Variants in TTC39C observed in about 807,000 individuals in gnomAD.
TTC39C encodes the protein tetratricopeptide repeat protein 39C.
In TTC39C, 33 loss-of-function variants were observed where a neutral mutation model predicts 76.3. That is an observed-to-expected ratio of 0.43 (90% CI 0.33 to 0.58). TTC39C has a LOEUF of 0.58. TTC39C is among the 20% of genes least tolerant of loss of function. The pLI is 0.04. For synonymous variants in TTC39C, 254 were observed against 260.6 expected, an observed-to-expected ratio of 0.97 and a Z score of 0.24; for missense variants, 595 against 701.4, an observed-to-expected ratio of 0.85 and a Z score of 1.71.
At chr18:24,030,880 A>AG (rs1377515820) in intron 1 of TTC39C, among the ~76,000 whole-genome samples, 2 of 151,944 alleles carry the variant, frequency 1.3e-5, no homozygotes, top group African/African-American at 4.8e-5. Flanking sequence ...TCCTGACCTC[A>AG]GGCGATCTGC....
intron 8 of TTC39C, among the ~76,000 whole-genome samples, chr18:24,119,549 C>T (rs2084939342): frequency 1.3e-5 from 2 of 152,124 alleles, no homozygotes; most frequent in Admixed American, 1.3e-4. Flanking sequence ...TGCATCGGTC[C>T]ATTAGCAAAT....
intron 8 of TTC39C, 125 bp downstream of exon 8, chr18:24,118,357 A>C (rs749288993): frequency 3.1e-6 from 2 of 654,856 alleles, no homozygotes; most frequent in African/African-American, 3.6e-5. Context: ...CTTCCCCAGC[A>C]TGTTAATGTT....
Position 24,014,930 on chromosome 18 carries a change from C to G in TTC39C, c.59C>G (p.Ala20Gly), listed in dbSNP as rs565871224. ...CGGGACGACGGAGACTCGGACGCGG[C>G]AGCGGCGGCGGCGGCGCCCCTGCAG... is the stretch of plus-strand genomic sequence containing the variant. ...RRRDDGDSDAAAAAAAPLQDA... is the reference protein window; with the variant it reads ...RRRDDGDSDAGAAAAAPLQDA... Residue 20 changes from alanine to glycine, a missense_variant, in exon 1 of 14, where the codon GCA (alanine) becomes GGA (glycine). Transcript: ENST00000317571. 1 of 1,524,316 alleles carries G rather than the reference C, an allele frequency of 6.6e-7. No homozygotes were observed. 94.4% of individuals were successfully genotyped at this position (1,524,316 alleles called of 1,614,324 possible).
rs2085151347 is a variant in TTC39C, at chr18:24,132,898, G to A, written c.*324G>A. On this transcript the variant is annotated 3_prime_UTR_variant, in exon 14 of 14. Transcript: ENST00000317571. ...AACGGAACATCCAACCCAAGATCCT[G>A]TAGGAACACCTACCTTAAGCACATA... is the stretch of plus-strand genomic sequence containing the variant. The A allele has an allele frequency of 4.8e-6, 1 of 208,384 alleles. No individual in the cohort carries two copies. The highest frequency in any genetic ancestry group is 9.5e-6 in the Non-Finnish European group (1 of 105,718). The allele number at this position is 208,384 out of a possible 1,614,324, so 12.9% of individuals were successfully genotyped here. A position where few individuals can be genotyped will look rare whatever the true frequency, so the allele number is the denominator to read the frequency against.
At chr18:24,095,310 A>C (rs1391998254) in intron 6 of TTC39C, among the ~76,000 whole-genome samples, 2 of 152,248 alleles carry the variant, frequency 1.3e-5, no homozygotes, top group Non-Finnish European at 2.9e-5. Flanking sequence ...TTGATCTTCT[A>C]TCCAGACCAC....
At chr18:24,058,712 T>C (rs982347691) in intron 1 of TTC39C, among the ~76,000 whole-genome samples, 1 of 151,740 alleles carries the variant, frequency 6.6e-6, no homozygotes, top group African/African-American at 2.4e-5. Flanking sequence ...GTTACTAGAG[T>C]AGGCATACGT....
chr18:24,011,787 T>A (rs1382198405), upstream of TTC39C, among the ~76,000 whole-genome samples: 1 of 152,204 alleles, frequency 6.6e-6, no homozygotes, highest in East Asian at 1.9e-4. Flanking sequence ...CTGGCTTTTC[T>A]TTTTCTCTTT....
At chr18:24,059,873 C>A (rs376372265) in intron 1 of TTC39C, among the ~76,000 whole-genome samples, 5 of 152,078 alleles carry the variant, frequency 3.3e-5, no homozygotes, top group Admixed American at 2.6e-4. Context: ...CTCACAATCA[C>A]GGCAGAAGGC....
At chr18:24,093,452 C>G (rs1245757274) in intron 6 of TTC39C, among the ~76,000 whole-genome samples, 2 of 147,546 alleles carry the variant, frequency 1.4e-5, no homozygotes, top group Non-Finnish European at 3.0e-5. Flanking sequence ...GCACTCCAGC[C>G]TGGGTGACAG....
intron 8 of TTC39C, 79 bp from the exon 9 acceptor site, chr18:24,123,755 C>A: frequency 4.5e-6 from 4 of 897,318 alleles, no homozygotes; most frequent in Non-Finnish European, 6.4e-6. Context: ...TTTTTTTTTT[C>A]AAGTATCATC....
chr18:24,121,328 T>G (rs2084965401), intron 8 of TTC39C, among the ~76,000 whole-genome samples: 1 of 152,114 alleles, frequency 6.6e-6, no homozygotes, highest in Admixed American at 6.5e-5. Flanking sequence ...ATCCCAGTAC[T>G]TTGGGAGGCC....
At position 24,015,043 on chromosome 18, in the gene TTC39C, C is replaced by T. The variant is rs1307362729; in HGVS notation, c.167+5C>T. Reference sequence around the variant, plus strand: ...CCAGCTTTTCAAACAATACAGGTGACCCACGCGTCCCCGATTCCCCAACCC... The same window carrying T: ...CCAGCTTTTCAAACAATACAGGTGATCCACGCGTCCCCGATTCCCCAACCC... On this transcript the variant is annotated splice_donor_5th_base_variant and intron_variant, in intron 1 of 13. Coordinates refer to ENST00000317571, the MANE Select transcript of TTC39C (RefSeq NM_001135993.2). 1 of 1,427,798 alleles carries T rather than the reference C, an allele frequency of 7.0e-7. No individual in the cohort carries two copies. Among genetic ancestry groups the T allele is most frequent in the East Asian group, 3.0e-5 (1 of 33,504 alleles). 88.4% of individuals were successfully genotyped at this position (1,427,798 alleles called of 1,614,324 possible). A position where few individuals can be genotyped will look rare whatever the true frequency, so the allele number is the denominator to read the frequency against.
At chr18:24,046,264 T>C (rs570265682) in intron 1 of TTC39C, among the ~76,000 whole-genome samples, 3 of 149,894 alleles carry the variant, frequency 2.0e-5, no homozygotes, top group African/African-American at 7.6e-5. Flanking sequence ...TAGTTTGTCC[T>C]ACTACACTTC....
intron 6 of TTC39C, among the ~76,000 whole-genome samples, chr18:24,101,222 T>G (rs1383370522): frequency 1.3e-5 from 2 of 151,290 alleles, no homozygotes; most frequent in Non-Finnish European, 2.9e-5. Flanking sequence ...GTGAATTAGA[T>G]CTCAATAAAG....
intron 1 of TTC39C, among the ~76,000 whole-genome samples, chr18:24,006,088 C>T (rs2083349838): frequency 6.6e-6 from 1 of 151,294 alleles, no homozygotes; most frequent in Non-Finnish European, 1.5e-5. Flanking sequence ...TCATGGCTCA[C>T]TGCAGCCTCA....
intron 1 of TTC39C, among the ~76,000 whole-genome samples, chr18:24,001,851 A>G: frequency 3.8e-5 from 4 of 105,356 alleles, no homozygotes; most frequent in Admixed American, 1.2e-4. Flanking sequence ...TTTGAGACGG[A>G]GTCTCGCTCT....
chr18:24,068,383 T>G (rs1408773424), intron 3 of TTC39C, among the ~76,000 whole-genome samples: 1 of 152,240 alleles, frequency 6.6e-6, no homozygotes, highest in Admixed American at 6.5e-5. Flanking sequence ...TCATTCTGGC[T>G]TGTCTACTGT....
chr18:24,021,561 T>TCC (rs144136079), intron 1 of TTC39C, among the ~76,000 whole-genome samples: 28 of 144,320 alleles, frequency 1.9e-4, no homozygotes, highest in East Asian at 6.2e-4. Flanking sequence ...TTTTTTTTTT[T>TCC]CCGAGACAGA....
At chr18:24,046,564 T>A (rs561685644) in intron 1 of TTC39C, among the ~76,000 whole-genome samples, 32 of 152,034 alleles carry the variant, frequency 2.1e-4, no homozygotes, top group Non-Finnish European at 4.3e-4. Flanking sequence ...ACCTTAGTTA[T>A]GACTTTTTGT....
Sources: gnomAD v4.1 joint callset for allele counts (sites outside exome capture counted in the v4.1 genomes callset) on GRCh38, gnomAD v4.1.1 for gene constraint, MANE v1.5 for transcripts, NCBI Gene and HGNC (gene_info 2026-07-23, HGNC 2026-07-21) for gene names.